Variants in KIF14 observed in about 807,000 individuals in gnomAD.
KIF14 encodes the protein kinesin family member 14, also known as kinesin-like protein KIF14.
In KIF14, 98 loss-of-function variants were observed where a neutral mutation model predicts 176.2. That is an observed-to-expected ratio of 0.56 (90% CI 0.47 to 0.66). The LOEUF (loss-of-function observed/expected upper bound fraction) is 0.66, where lower values mean the gene tolerates loss of function less well. Among genes scored for constraint, KIF14 ranks in the 30% least tolerant of loss-of-function variants. KIF14 has a pLI of 0.00. For synonymous variants in KIF14, 566 were observed against 632.2 expected, an observed-to-expected ratio of 0.90 and a Z score of 1.57; for missense variants, 1,751 against 1,920.4, an observed-to-expected ratio of 0.91 and a Z score of 1.65.
intron 5 of KIF14, among the ~76,000 whole-genome samples, chr1:200,607,446 C>G (rs1035803763): frequency 1.3e-5 from 2 of 152,130 alleles, no homozygotes; most frequent in Non-Finnish European, 2.9e-5. Flanking sequence ...GCTTGTCTTC[C>G]TAGTTTTTCA....
chr1:200,615,294 C>A, intron 3 of KIF14, 61 bp downstream of exon 3: 1 of 1,481,194 alleles, frequency 6.8e-7, no homozygotes, highest in South Asian at 1.3e-5. Context: ...CACCCCTATG[C>A]CACTTCTCAC....
Position 200,593,673 on chromosome 1 carries a change from T to TA in KIF14, c.2645dup (p.Leu882PhefsTer5), listed in dbSNP as rs1409113681. 6.3e-7 allele frequency: 1 copy of TA among 1,590,358 alleles called. No homozygotes were observed. Among genetic ancestry groups the TA allele is most frequent in the African/African-American group, 1.3e-5 (1 of 74,508 alleles). Reference sequence around the variant, plus strand: ...ATAGCACCCATCCACTTACATGACGTAATACTGTGATTTCCAAAATATGTT... The same window carrying TA: ...ATAGCACCCATCCACTTACATGACGTAAATACTGTGATTTCCAAAATATGTT... On this transcript the variant is annotated frameshift_variant, in exon 15 of 30. Coordinates refer to ENST00000367350, the MANE Select transcript of KIF14 (RefSeq NM_014875.3). LOFTEE classifies it high-confidence loss of function.
chr1:200,594,368 CAAAAAAAAAAA>C (rs371729211), intron 14 of KIF14, among the ~76,000 whole-genome samples: 6 of 92,516 alleles, frequency 6.5e-5, no homozygotes, highest in Non-Finnish European at 9.8e-5. Context: ...CCCAAAAATT[CAAAAAAAAAAA>C]AAAAAAAAAA....
At position 200,617,649 on chromosome 1, in the gene KIF14, C is replaced by T; in HGVS notation, c.1075G>A (p.Val359Met). The stretch of plus-strand genomic sequence containing the variant: ...GGTCTTACGCGTACTGCCACTGTCA[C>T]TTGACTATTCTCTACTTTTAAGGGG... ...KDPLKVENSQ[V>M]TVAVRVRPFT... Residue 359 changes from valine (V) to methionine (M), a missense_variant, in exon 2 of 30, where the codon GTG becomes ATG. Transcript: ENST00000367350. The T allele has an allele frequency of 6.2e-7, 1 of 1,613,200 alleles. No individual in the cohort carries two copies. Among genetic ancestry groups the T allele is most frequent in the Non-Finnish European group, 8.5e-7 (1 of 1,179,434 alleles).
intron 6 of KIF14, 46 bp downstream of exon 6, chr1:200,606,700 A>C: frequency 6.8e-7 from 1 of 1,481,240 alleles, no homozygotes; most frequent in Non-Finnish European, 9.4e-7. Flanking sequence ...CATTCACTCT[A>C]TTCATTTGTT....
At chr1:200,588,877 G>C (rs1187401355) in intron 18 of KIF14, among the ~76,000 whole-genome samples, 1 of 152,198 alleles carries the variant, frequency 6.6e-6, no homozygotes, top group Non-Finnish European at 1.5e-5. Flanking sequence ...ATGTGACCCA[G>C]TGTAAGAGCT....
At chr1:200,557,251 C>T (rs189286772) in intron 27 of KIF14, among the ~76,000 whole-genome samples, 5 of 152,286 alleles carry the variant, frequency 3.3e-5, no homozygotes, top group Non-Finnish European at 5.9e-5. Flanking sequence ...ATCCGCCCAC[C>T]TTGGCCTCCC....
In KIF14 at chr1:200,603,950, TTC is replaced by T. The variant is rs786201012; in HGVS notation, c.1750_1751del (p.Glu584IlefsTer16). 1.3e-6 allele frequency: 2 copies of T among 1,590,612 alleles called. No homozygotes were observed. Among genetic ancestry groups the T allele is most frequent in the Non-Finnish European group, 1.7e-6 (2 of 1,158,760 alleles). ...FTLVMTQTKT[E>X]FVEGEEHDHR... ...GATCGTGTTCTTCCCCTTCCACAAA[TTC>T]TGTCTACAGCAAAATGATATTAAAT... On this transcript the variant is annotated frameshift_variant, in exon 9 of 30. Coordinates refer to ENST00000367350, the MANE Select transcript of KIF14 (RefSeq NM_014875.3). LOFTEE classifies it high-confidence loss of function.
chr1:200,620,185 T>C (rs1251499702), intron 1 of KIF14, among the ~76,000 whole-genome samples: 3 of 152,232 alleles, frequency 2.0e-5, no homozygotes, highest in Non-Finnish European at 4.4e-5. Flanking sequence ...TTTCCTGTTA[T>C]GAAATGAATT....
intron 4 of KIF14, among the ~76,000 whole-genome samples, chr1:200,610,601 T>C (rs948207285): frequency 5.9e-5 from 9 of 151,818 alleles, no homozygotes; most frequent in Non-Finnish European, 1.0e-4. Context: ...TTCAATCCAA[T>C]AAGCATTTCT....
chr1:200,601,893 C>A lies in KIF14; in HGVS notation c.2152+3G>T, dbSNP rs1311929485. On this transcript the variant is annotated splice_donor_region_variant and intron_variant, in intron 11 of 29. Coordinates refer to ENST00000367350, the MANE Select transcript of KIF14 (RefSeq NM_014875.3). ...AATTTTTAAATTCTGAGAAAATATT[C>A]ACCTCTAATTAACTTAGCGTTCATA... 1.9e-6 allele frequency: 3 copies of A among 1,591,246 alleles called. No individual in the cohort carries two copies. The African/African-American group carries it at 4.1e-5, about 22-fold the overall frequency.
chr1:200,555,492 A>T, intron 27 of KIF14, 38 bp from the exon 28 acceptor site: 1 of 1,195,242 alleles, frequency 8.4e-7, no homozygotes, highest in Non-Finnish European at 1.2e-6. Context: ...ATACTTTATT[A>T]TTCAGAAGTA....
intron 10 of KIF14, 22 bp from the exon 11 acceptor site, chr1:200,602,090 G>A: frequency 2.5e-6 from 4 of 1,602,998 alleles, no homozygotes; most frequent in Non-Finnish European, 3.4e-6. Context: ...AAAGTCATAA[G>A]ACTTTGCTTC....
At chr1:200,608,524 G>A (rs944359735) in intron 5 of KIF14, among the ~76,000 whole-genome samples, 7 of 152,014 alleles carry the variant, frequency 4.6e-5, no homozygotes, top group East Asian at 1.9e-4. Context: ...CGCCACACCC[G>A]GCTAATTTTT....
At chr1:200,577,745 T>C (rs1461393637) in intron 21 of KIF14, among the ~76,000 whole-genome samples, 1 of 150,106 alleles carries the variant, frequency 6.7e-6, no homozygotes, top group Non-Finnish European at 1.5e-5. Flanking sequence ...GGTTGGTAAT[T>C]CTCTTCTGAG....
rs200891549 is a variant in KIF14, at chr1:200,553,499, C to T, written c.4836G>A (p.Gly1612=). 8.7e-6 allele frequency: 14 copies of T among 1,614,000 alleles called. No individual in the cohort carries two copies. The South Asian group carries it at 1.4e-4, about 16-fold the overall frequency. ...KEEHQQSKSS[G]IDGSKNKGVP... is the part of the protein sequence containing the mutation. ...CACCTTTATTCTTACTGCCGTCAATCCCGCTTGATTTAGATTGTTGGTGTT... is the reference window on the plus strand; with the variant it reads ...CACCTTTATTCTTACTGCCGTCAATTCCGCTTGATTTAGATTGTTGGTGTT... The change falls in exon 30 of 30, where the codon GGG becomes GGA. Residue 1612 remains glycine (G), a synonymous_variant. Coordinates refer to ENST00000367350, the MANE Select transcript of KIF14 (RefSeq NM_014875.3).
rs753019306 is a variant in KIF14 at position 200,560,836 on chromosome 1, C to A, written c.4116G>T (p.Lys1372Asn). ...DISSMIKEAQ[K>N]NAIQIVQQAV... The stretch of plus-strand genomic sequence containing the variant: ...CTTGTTGTACAATTTGGATTGCATT[C>A]TTTTGAGCCTCTTTTATCATTGATG... Residue 1372 changes from lysine (K) to asparagine (N), a missense_variant, in exon 26 of 30, where the codon AAG (lysine) becomes AAT (asparagine). Transcript: ENST00000367350. The A allele has an allele frequency of 7.4e-6, 12 of 1,613,896 alleles. 1 individual carries two copies. In the Middle Eastern group the frequency reaches 8.2e-4, roughly 111 times the overall value.
At chr1:200,620,345 C>G (rs1660621221) in intron 1 of KIF14, 66 bp downstream of exon 1, 1 of 152,236 alleles carries the variant, frequency 6.6e-6, no homozygotes, top group Non-Finnish European at 1.5e-5. Context: ...ACAATCCAAA[C>G]CAAAACATCC....
Position 200,592,191 on chromosome 1 carries a change from G to A in KIF14, c.2702C>T (p.Pro901Leu), listed in dbSNP as rs1225216749. 1.9e-6 allele frequency: 3 copies of A among 1,613,380 alleles called. No individual in the cohort carries two copies. Among genetic ancestry groups the A allele is most frequent in the African/African-American group, 2.7e-5 (2 of 74,914 alleles). ...GGDHYFRFNH[P>L]VEVQKGKRPS... ...CCTTTTTCCTTTCTGGACTTCTACTGGATGATTAAATCTAAAATAATGATC... is the reference window on the plus strand; with the variant it reads ...CCTTTTTCCTTTCTGGACTTCTACTAGATGATTAAATCTAAAATAATGATC... The change falls in exon 16 of 30, where the codon CCA becomes CTA. Residue 901 changes from proline to leucine, a missense_variant. Pro to Leu is a moderately conservative substitution (Grantham distance 98). Coordinates refer to ENST00000367350, the MANE Select transcript of KIF14 (RefSeq NM_014875.3).
Sources: allele counts gnomAD v4.1 joint callset (sites outside exome capture counted in the v4.1 genomes callset), GRCh38; gene constraint gnomAD v4.1.1; transcripts MANE v1.5; gene names NCBI Gene and HGNC (gene_info 2026-07-23, HGNC 2026-07-21).